Variants in RYR3 observed in about 807,000 individuals in gnomAD.
RYR3 encodes the protein ryanodine receptor 3.
Under a neutral mutation model 584.3 loss-of-function variants are expected in RYR3, and 207 were observed. The observed-to-expected ratio is 0.35, with a 90% confidence interval of 0.32 to 0.40. The LOEUF is 0.40. Ranked by LOEUF, RYR3 falls within the 10% of genes least tolerant of loss-of-function variation. RYR3 has a pLI of 1.00. For missense variants in RYR3, 5,616 were observed against 6,089.2 expected (o/e 0.92, Z 2.59); for synonymous variants, 2,416 against 2,248.5 (o/e 1.07, Z -2.11).
At chr15:33,803,489 A>G (rs1017511215) in intron 69 of RYR3, among the ~76,000 whole-genome samples, 4 of 152,160 alleles carry the variant, frequency 2.6e-5, no homozygotes, top group African/African-American at 7.2e-5. Flanking sequence ...CAGAAAGTCA[A>G]TAAATCCCAG....
At chr15:33,619,118 G>A (rs80267812) in intron 19 of RYR3, among the ~76,000 whole-genome samples, 1 of 152,098 alleles carries the variant, frequency 6.6e-6, no homozygotes, top group Admixed American at 6.6e-5. Context: ...GGACAGAGTC[G>A]CTTACTGTAA....
intron 94 of RYR3, chr15:33,851,468 A>C (rs2152995721): frequency 6.6e-6 from 1 of 152,230 alleles, no homozygotes; most frequent in Non-Finnish European, 1.5e-5. Context: ...TTTTCCCTGA[A>C]CATTCATGTA....
intron 1 of RYR3, among the ~76,000 whole-genome samples, chr15:33,319,436 A>C (rs1458024405): frequency 6.6e-6 from 1 of 152,178 alleles, no homozygotes; most frequent in African/African-American, 2.4e-5. Flanking sequence ...CCAATTTAGG[A>C]CAGTGGTTTT....
chr15:33,809,418 C>T (rs1296928957), intron 70 of RYR3, among the ~76,000 whole-genome samples: 1 of 152,192 alleles, frequency 6.6e-6, no homozygotes, highest in Non-Finnish European at 1.5e-5. Context: ...AGGCCCAGTC[C>T]TGCAAGCACG....
chr15:33,552,153 G>T (rs945293672), intron 10 of RYR3, among the ~76,000 whole-genome samples: 2 of 152,124 alleles, frequency 1.3e-5, no homozygotes, highest in African/African-American at 4.8e-5. Context: ...AGGATCAGGC[G>T]GCCTTCCAGG....
At chr15:33,616,730 C>T (rs1337384239) in intron 19 of RYR3, among the ~76,000 whole-genome samples, 1 of 152,170 alleles carries the variant, frequency 6.6e-6, no homozygotes, top group Non-Finnish European at 1.5e-5. Flanking sequence ...GGCTTGAAGT[C>T]ACTCAAGCTT....
At position 33,837,620 on chromosome 15, in the gene RYR3, C is replaced by A; in HGVS notation, c.11651-11C>A. 1 of 1,557,312 alleles carries A rather than the reference C, an allele frequency of 6.4e-7. No homozygotes were observed. The highest frequency in any genetic ancestry group is 2.3e-5 in the East Asian group (1 of 44,086). On this transcript the variant is annotated splice_polypyrimidine_tract_variant and intron_variant, in intron 88 of 103. Coordinates refer to ENST00000634891, the MANE Select transcript of RYR3 (RefSeq NM_001036.6). ...TGTATATTTGTATGTCTTTTTGAAC[C>A]TGCCTCACAGGGAATGTGGTAAATG...
At chr15:33,813,983 G>A (rs936084077) in intron 74 of RYR3, among the ~76,000 whole-genome samples, 1 of 152,186 alleles carries the variant, frequency 6.6e-6, no homozygotes, top group African/African-American at 2.4e-5. Context: ...ACTTGACACT[G>A]AAATTACCAT....
intron 1 of RYR3, among the ~76,000 whole-genome samples, chr15:33,428,415 C>G (rs1008568719): frequency 6.6e-6 from 1 of 152,146 alleles, no homozygotes; most frequent in Non-Finnish European, 1.5e-5. Context: ...TTTTGTACTT[C>G]GAAGATTTTA....
chr15:33,794,587 T>A (rs1390859521), intron 67 of RYR3, among the ~76,000 whole-genome samples: 4 of 151,978 alleles, frequency 2.6e-5, no homozygotes, highest in African/African-American at 9.7e-5. Flanking sequence ...CGATCAAGAC[T>A]CAAGACAGAG....
chr15:33,380,490 A>C (rs1334777337), intron 1 of RYR3, among the ~76,000 whole-genome samples: 1 of 152,252 alleles, frequency 6.6e-6, no homozygotes, highest in Non-Finnish European at 1.5e-5. Flanking sequence ...GGAAGGCTGA[A>C]CTAGAGATGG....
chr15:33,668,877 A>T (rs1421648229), intron 36 of RYR3, among the ~76,000 whole-genome samples: 1 of 152,248 alleles, frequency 6.6e-6, no homozygotes, highest in African/African-American at 2.4e-5. Flanking sequence ...AGGACAAATA[A>T]TAGAAACAAA....
intron 86 of RYR3, among the ~76,000 whole-genome samples, chr15:33,831,415 T>A (rs567477499): frequency 3.9e-5 from 6 of 152,362 alleles, no homozygotes; most frequent in Middle Eastern, 6.8e-3. Context: ...TAGAAAAATG[T>A]CTGGCATATA....
At chr15:33,744,890 G>A (rs1442063645) in intron 52 of RYR3, among the ~76,000 whole-genome samples, 1 of 152,158 alleles carries the variant, frequency 6.6e-6, no homozygotes, top group Non-Finnish European at 1.5e-5. Context: ...GCTTGCTGTT[G>A]GAAACATTCG....
Position 33,810,537 on chromosome 15 carries a change from T to C in RYR3, c.10085T>C (p.Ile3362Thr), listed in dbSNP as rs2152944267. The C allele has an allele frequency of 6.2e-7, 1 of 1,613,974 alleles. No individual in the cohort carries two copies. Among genetic ancestry groups the C allele is most frequent in the Non-Finnish European group, 8.5e-7 (1 of 1,179,876 alleles). Residue 3362 changes from isoleucine (I) to threonine (T), a missense_variant, in exon 71 of 104, where the codon ATC (isoleucine) becomes ACC (threonine). Around this residue, in one of 9 missense-constraint regions of RYR3, gnomAD observed 954 missense variants for 1,132.2 expected, o/e 0.84. Transcript: ENST00000634891. Reference sequence around the variant, plus strand: ...AAGCGGCGGGGAGACTTGTATTCCATCCAGACCTCCCTCATCGTGGCTGCA... The same window carrying C: ...AAGCGGCGGGGAGACTTGTATTCCACCCAGACCTCCCTCATCGTGGCTGCA... ...KTKRRGDLYSIQTSLIVAALK... is the reference protein window; with the variant it reads ...KTKRRGDLYSTQTSLIVAALK...
intron 43 of RYR3, among the ~76,000 whole-genome samples, chr15:33,715,711 G>A (rs1208377155): frequency 6.6e-6 from 1 of 152,188 alleles, no homozygotes; most frequent in African/African-American, 2.4e-5. Context: ...CTGCTTCCAA[G>A]ATAGTACCAT....
In RYR3 at chr15:33,459,102, C is replaced by G. The variant is rs539374403; in HGVS notation, c.52-14317C>G. Among the ~76,000 whole-genome samples the G allele has an allele frequency of 8.5e-5, 13 of 152,312 alleles. No homozygotes were observed. The East Asian group carries it at 2.1e-3, about 25-fold the overall frequency. ...CTTCAATACCCGGCCCAGCATCCAC[C>G]CTTCCCCAGAGATTCTCACTCATTT... On this transcript the variant is annotated intron_variant, in intron 1 of 103. Transcript: ENST00000634891.
At chr15:33,757,777 G>T in intron 60 of RYR3, 181 bp downstream of exon 60, 1 of 654,998 alleles carries the variant, frequency 1.5e-6, no homozygotes, top group Non-Finnish European at 2.6e-6. Flanking sequence ...GCAACCAATT[G>T]AGGTATACTG....
intron 42 of RYR3, among the ~76,000 whole-genome samples, chr15:33,704,204 G>A (rs2066510243): frequency 6.6e-6 from 1 of 151,524 alleles, no homozygotes; most frequent in South Asian, 2.1e-4. Context: ...ATCCCGGGAG[G>A]CAGAGGTTGC....
Sources: allele counts gnomAD v4.1 joint callset (sites outside exome capture counted in the v4.1 genomes callset), GRCh38; gene constraint gnomAD v4.1.1; regional missense constraint gnomAD v4.1.1; transcripts MANE v1.5; gene names NCBI Gene and HGNC (gene_info 2026-07-23, HGNC 2026-07-21).